PPA2: variants seen among roughly 807,000 people sequenced by gnomAD.
The protein encoded by PPA2 is inorganic pyrophosphatase 2, mitochondrial.
A neutral mutation model predicts 49.5 loss-of-function variants in PPA2; 48 were observed. That is an observed-to-expected ratio of 0.97 (90% confidence interval 0.77 to 1.23). The LOEUF (loss-of-function observed/expected upper bound fraction) is 1.23. PPA2 is among the 50% of genes most tolerant of loss of function. The pLI is 0.00. For missense variants in PPA2, 429 were observed against 410.1 expected (o/e 1.05, Z -0.40); for synonymous variants, 131 against 139.9 (o/e 0.94, Z 0.45).
At chr4:105,383,503 A>G (rs1317017926) in intron 10 of PPA2, among the ~76,000 whole-genome samples, 4 of 152,184 alleles carry the variant, frequency 2.6e-5, no homozygotes. Context: ...TTCACCCAGC[A>G]TATACTTCCT....
chr4:105,369,777 G>C (rs766630229), intron 11 of PPA2, 24 bp from the exon 12 acceptor site: 5 of 1,566,396 alleles, frequency 3.2e-6, no homozygotes, highest in Non-Finnish European at 4.4e-6. Flanking sequence ...GGGGAAAGAG[G>C]GTATTAGGGA....
chr4:105,411,480 A>T (rs1447184319), intron 7 of PPA2, among the ~76,000 whole-genome samples: 2 of 152,306 alleles, frequency 1.3e-5, no homozygotes, highest in South Asian at 2.1e-4. Context: ...CACAGCCAAT[A>T]TCATACTGAA....
chr4:105,383,636 G>A (rs987333487), intron 10 of PPA2, among the ~76,000 whole-genome samples: 3 of 152,248 alleles, frequency 2.0e-5, no homozygotes, highest in Non-Finnish European at 4.4e-5. Context: ...GAGTATTCTA[G>A]CAATATGCAT....
At chr4:105,372,867 A>G (rs1733082153) in intron 10 of PPA2, among the ~76,000 whole-genome samples, 1 of 152,230 alleles carries the variant, frequency 6.6e-6, no homozygotes, top group South Asian at 2.1e-4. Context: ...AAATTCCCCC[A>G]AATCATAAAT....
chr4:105,421,305 A>G (rs1032767812), intron 7 of PPA2, among the ~76,000 whole-genome samples: 1 of 152,186 alleles, frequency 6.6e-6, no homozygotes, highest in Non-Finnish European at 1.5e-5. Flanking sequence ...TACAGAAGGA[A>G]GCAACCATTC....
intron 1 of PPA2, among the ~76,000 whole-genome samples, chr4:105,468,301 G>C (rs1212316856): frequency 6.6e-6 from 1 of 152,132 alleles, no homozygotes; most frequent in African/African-American, 2.4e-5. Context: ...TGAGCCCTGG[G>C]CATTTCAAAG....
chr4:105,424,398 G>C (rs1167738981), intron 6 of PPA2, 76 bp from the exon 7 acceptor site: 1 of 1,308,996 alleles, frequency 7.6e-7, no homozygotes, highest in Non-Finnish European at 1.0e-6. Context: ...CCATATAAAA[G>C]ATTAAAAGAA....
At chr4:105,470,704 G>A (rs1225845707) in intron 1 of PPA2, among the ~76,000 whole-genome samples, 1 of 152,180 alleles carries the variant, frequency 6.6e-6, no homozygotes, top group Admixed American at 6.5e-5. Context: ...TCACGTGTGA[G>A]ACACTGATAA....
At chr4:105,396,193 G>A in intron 9 of PPA2, 56 bp downstream of exon 9, 2 of 1,069,198 alleles carry the variant, frequency 1.9e-6, no homozygotes, top group Non-Finnish European at 2.7e-6. Context: ...ATTATTATGT[G>A]GCTGTTTAAT....
intron 7 of PPA2, among the ~76,000 whole-genome samples, chr4:105,415,511 A>G (rs1177065815): frequency 6.6e-6 from 1 of 152,210 alleles, no homozygotes; most frequent in African/African-American, 2.4e-5. Flanking sequence ...GGGAGAGGCC[A>G]GGCAGCAGTA....
intron 1 of PPA2, among the ~76,000 whole-genome samples, chr4:105,468,912 C>G (rs1330148840): frequency 6.6e-6 from 1 of 152,190 alleles, no homozygotes; most frequent in Non-Finnish European, 1.5e-5. Flanking sequence ...TATCAACACA[C>G]CCACAACCTC....
chr4:105,389,619 A>G (rs1396987472), intron 9 of PPA2, among the ~76,000 whole-genome samples: 1 of 152,030 alleles, frequency 6.6e-6, no homozygotes, highest in Non-Finnish European at 1.5e-5. Context: ...GCTGTGTACA[A>G]CAAGCCCAAA....
intron 6 of PPA2, among the ~76,000 whole-genome samples, chr4:105,426,107 A>C (rs1456638201): frequency 1.3e-5 from 2 of 152,198 alleles, no homozygotes; most frequent in Admixed American, 1.3e-4. Context: ...ACATATGTCA[A>C]AACTCACCAT....
chr4:105,431,999 A>G (rs1723823546), intron 6 of PPA2, among the ~76,000 whole-genome samples: 1 of 152,236 alleles, frequency 6.6e-6, no homozygotes, highest in Non-Finnish European at 1.5e-5. Context: ...TTGGGACTAG[A>G]TAGATACAGG....
At chr4:105,456,446 C>A (rs2110317174) in intron 2 of PPA2, 1 of 480,364 alleles carries the variant, frequency 2.1e-6, no homozygotes. Flanking sequence ...TTATTTCCTA[C>A]CGAATTCTAA....
At chr4:105,432,620 C>T (rs980945117) in intron 6 of PPA2, among the ~76,000 whole-genome samples, 47 of 152,328 alleles carry the variant, frequency 3.1e-4, no homozygotes, top group African/African-American at 1.1e-3. Context: ...GCAAGCTTGT[C>T]CAACCCACGC....
At chr4:105,409,636 G>A (rs1722657974) in intron 7 of PPA2, among the ~76,000 whole-genome samples, 1 of 152,230 alleles carries the variant, frequency 6.6e-6, no homozygotes, top group South Asian at 2.1e-4. Context: ...ACACCTCCCA[G>A]TAGGGGCCGA....
intron 1 of PPA2, among the ~76,000 whole-genome samples, chr4:105,460,097 G>A (rs1723023630): frequency 1.3e-5 from 2 of 152,132 alleles, no homozygotes; most frequent in African/African-American, 4.8e-5. Context: ...CTAGGAGGAG[G>A]TTAAGAAGAC....
At chr4:105,464,276 T>A (rs113175360) in intron 1 of PPA2, among the ~76,000 whole-genome samples, 5,015 of 152,328 alleles carry the variant, frequency 0.033, 275 homozygotes, top group African/African-American at 0.11. Context: ...TCTGGACTTG[T>A]ATGGGGCCTG....
Sources: allele counts gnomAD v4.1 joint callset (sites outside exome capture counted in the v4.1 genomes callset), GRCh38; gene constraint gnomAD v4.1.1; transcripts MANE v1.5; gene names NCBI Gene and HGNC (gene_info 2026-07-23, HGNC 2026-07-21).